DCAF6: variants seen among roughly 807,000 people sequenced by gnomAD.
The protein encoded by DCAF6 is DDB1 and CUL4 associated factor 6, also known as DDB1- and CUL4-associated factor 6.
DCAF6 carries 54 observed loss-of-function variants against 125.1 expected under a neutral mutation model. That is an observed-to-expected ratio of 0.43 (90% CI 0.35 to 0.54). DCAF6 has a LOEUF of 0.54. Ranked by LOEUF, DCAF6 falls within the 20% of genes least tolerant of loss-of-function variation. The pLI, the probability that DCAF6 is intolerant of heterozygous loss-of-function variation, is 0.01. For synonymous variants in DCAF6, 371 were observed against 390.4 expected (o/e 0.95, Z 0.58); for missense variants, 934 against 1,161.7 (o/e 0.80, Z 2.85).
chr1:168,033,823 A>G (rs1384452627), intron 12 of DCAF6, among the ~76,000 whole-genome samples: 3 of 152,252 alleles, frequency 2.0e-5, no homozygotes, highest in Non-Finnish European at 4.4e-5. Flanking sequence ...CTTAATAACC[A>G]TAATTACTGA....
At chr1:167,949,162 G>A (rs1409875017) in intron 1 of DCAF6, among the ~76,000 whole-genome samples, 1 of 152,194 alleles carries the variant, frequency 6.6e-6, no homozygotes, top group Non-Finnish European at 1.5e-5. Flanking sequence ...AGTAGAGTCA[G>A]AATTATAAGA....
rs144938178 is a variant in DCAF6, at chr1:167,942,051, G to A, written c.97+5043G>A. Among the ~76,000 whole-genome samples the A allele has an allele frequency of 2.7e-3, 407 of 152,222 alleles. 2 individuals are homozygous for A. Among genetic ancestry groups the A allele is most frequent in the African/African-American group, 9.5e-3 (393 of 41,538 alleles). On this transcript the variant is annotated intron_variant, in intron 1 of 21. Transcript: ENST00000367840. ...GGTAGGCGTGTAGAAATATATCATT[G>A]TTTTAATTTGCATTTCTCTTTTTTT...
intron 4 of DCAF6, among the ~76,000 whole-genome samples, chr1:167,986,758 C>T (rs1396372817): frequency 6.6e-6 from 1 of 152,186 alleles, no homozygotes; most frequent in Non-Finnish European, 1.5e-5. Flanking sequence ...TGCTTTGCTG[C>T]TCACTTCCTA....
rs35366916 is a variant in DCAF6 at position 167,970,625 on chromosome 1, T to TAA, written c.252+3914_252+3915dup. Among the ~76,000 whole-genome samples, 11 of 149,606 alleles carry TAA rather than the reference T, an allele frequency of 7.4e-5. 1 individual carries two copies. The highest frequency in any genetic ancestry group is 2.0e-4 in the Admixed American group (3 of 15,076). ...TGGATGACAGCAAGAGCTGATATCT[T>TAA]AAAAAAAAAAATTATTATCATAAGC... On this transcript the variant is annotated intron_variant, in intron 3 of 21. Transcript: ENST00000367840.
intron 4 of DCAF6, among the ~76,000 whole-genome samples, chr1:167,977,875 C>T (rs1193620391): frequency 6.6e-6 from 1 of 152,196 alleles, no homozygotes; most frequent in Non-Finnish European, 1.5e-5. Context: ...TAACTACCAC[C>T]TAGCACATTA....
chr1:167,925,793 C>A, the DCAF6 span, among the ~76,000 whole-genome samples: 1 of 151,790 alleles, frequency 6.6e-6, no homozygotes, highest in Non-Finnish European at 1.5e-5. Flanking sequence ...GTGATCTGCC[C>A]GCCTCAGCCT....
At chr1:168,061,219 TAACTTAA>T (rs1691551262) in intron 17 of DCAF6, among the ~76,000 whole-genome samples, 5 of 152,198 alleles carry the variant, frequency 3.3e-5, no homozygotes, top group African/African-American at 1.2e-4. Flanking sequence ...TAACTGTATC[TAACTTAA>T]AAATGTATGT....
At chr1:167,985,200 TGTGTGTGTGTG>T (rs1679793008) in intron 4 of DCAF6, among the ~76,000 whole-genome samples, 1 of 149,546 alleles carries the variant, frequency 6.7e-6, no homozygotes, top group Admixed American at 6.8e-5. Context: ...TGTGTGTGTG[TGTGTGTGTGTG>T]GTGTGTGTGT....
intron 17 of DCAF6, among the ~76,000 whole-genome samples, chr1:168,055,721 TTATC>T (rs1266208772): frequency 1.1e-5 from 1 of 90,430 alleles, no homozygotes; most frequent in Non-Finnish European, 2.0e-5. Context: ...CATATTATAT[TTATC>T]TATAATCATT....
chr1:167,959,403 C>A (rs533485536), intron 2 of DCAF6, among the ~76,000 whole-genome samples: 1 of 152,158 alleles, frequency 6.6e-6, no homozygotes, highest in Non-Finnish European at 1.5e-5. Flanking sequence ...TGTGGACATA[C>A]GTTTTCAGCT....
Position 167,985,240 on chromosome 1 carries a change from T to TGCGC in DCAF6, c.439-2253_439-2250dup, listed in dbSNP as rs1175402306. Among the ~76,000 whole-genome samples, 10 of 152,006 alleles carry TGCGC rather than the reference T, an allele frequency of 6.6e-5. No homozygotes were observed. The East Asian group carries it at 1.9e-3, about 29-fold the overall frequency. Reference sequence around the variant, plus strand: ...TGTGTGTGTGTGGTGTGTGTGTGCGTGCGCGTGTGCACGTGGCTTAAAGTA... The same window carrying TGCGC: ...TGTGTGTGTGTGGTGTGTGTGTGCGTGCGCGCGCGTGTGCACGTGGCTTAAAGTA... On this transcript the variant is annotated intron_variant, in intron 4 of 21. Transcript: ENST00000367840.
chr1:168,033,272 G>A (rs1687340549), intron 12 of DCAF6, among the ~76,000 whole-genome samples: 1 of 150,016 alleles, frequency 6.7e-6, no homozygotes, highest in Non-Finnish European at 1.5e-5. Flanking sequence ...GCACTATCCT[G>A]AGAGGTCTCT....
intron 7 of DCAF6, 91 bp from the exon 8 acceptor site, chr1:168,002,391 G>A: frequency 9.1e-7 from 1 of 1,097,234 alleles, no homozygotes; most frequent in Non-Finnish European, 1.4e-6. Flanking sequence ...GAAGTAGGGA[G>A]ATGGAAATAA....
the DCAF6 span, among the ~76,000 whole-genome samples, chr1:167,872,112 C>G: frequency 4.6e-5 from 7 of 152,190 alleles, no homozygotes; most frequent in East Asian, 1.3e-3. Flanking sequence ...GAGGCCGAGG[C>G]GGGTGGATCC....
intron 4 of DCAF6, 95 bp downstream of exon 4, chr1:167,975,110 ATG>A: frequency 3.0e-6 from 2 of 656,686 alleles, no homozygotes; most frequent in Non-Finnish European, 4.7e-6. Context: ...ACATGTACAG[ATG>A]TGTGTGTATG....
chr1:167,975,753 A>G (rs1023694929), intron 4 of DCAF6, among the ~76,000 whole-genome samples: 3 of 152,014 alleles, frequency 2.0e-5, no homozygotes, highest in Admixed American at 6.6e-5. Context: ...GGGTTTTGCT[A>G]TGTTGCCAGG....
chr1:168,052,372 G>A (rs754675886), intron 17 of DCAF6, among the ~76,000 whole-genome samples: 2 of 152,134 alleles, frequency 1.3e-5, no homozygotes, highest in Non-Finnish European at 2.9e-5. Flanking sequence ...CTAAAGTAGA[G>A]ATTATCATGA....
the DCAF6 span, among the ~76,000 whole-genome samples, chr1:167,929,218 C>T: frequency 2.8e-4 from 43 of 152,050 alleles, no homozygotes; most frequent in African/African-American, 9.9e-4. Context: ...ATTAGCCGGG[C>T]GTGGTGGTGC....
the DCAF6 span, chr1:167,924,497 C>T: frequency 1.3e-6 from 2 of 1,588,954 alleles, no homozygotes; most frequent in Non-Finnish European, 1.7e-6. Flanking sequence ...CAAGACTTAC[C>T]CATTTCATAA....
Sources: allele counts gnomAD v4.1 joint callset (sites outside exome capture counted in the v4.1 genomes callset), GRCh38; gene constraint gnomAD v4.1.1; transcripts MANE v1.5; gene names NCBI Gene and HGNC (gene_info 2026-07-23, HGNC 2026-07-21).